MAP3K20: variants seen among roughly 807,000 people sequenced by gnomAD.
MAP3K20 encodes the protein HCCS-4.
Under a neutral mutation model 85.7 loss-of-function variants are expected in MAP3K20, and 40 were observed. The observed-to-expected ratio is 0.47, with a 90% CI of 0.36 to 0.61. MAP3K20 has a LOEUF of 0.61. Ranked by LOEUF, MAP3K20 falls within the 20% of genes least tolerant of loss-of-function variation. MAP3K20 has a pLI of 0.00. For missense variants in MAP3K20, 817 were observed against 961.7 expected, an observed-to-expected ratio of 0.85 and a Z score of 1.99; for synonymous variants, 325 against 327.7, an observed-to-expected ratio of 0.99 and a Z score of 0.09.
chr2:173,183,585 A>G (rs995402287), intron 4 of MAP3K20, among the ~76,000 whole-genome samples: 21 of 151,836 alleles, frequency 1.4e-4, no homozygotes, highest in Non-Finnish European at 1.6e-4. Context: ...TTCAAACTTC[A>G]TTTATTTTTA....
intron 2 of MAP3K20, among the ~76,000 whole-genome samples, chr2:173,122,866 T>C (rs982257285): frequency 6.6e-6 from 1 of 152,198 alleles, no homozygotes; most frequent in Non-Finnish European, 1.5e-5. Flanking sequence ...CTGCTCTTCC[T>C]GTATCCCACC....
intron 2 of MAP3K20, among the ~76,000 whole-genome samples, chr2:173,165,650 C>T (rs889022962): frequency 3.9e-5 from 6 of 152,050 alleles, no homozygotes; most frequent in Admixed American, 6.6e-5. Context: ...GCTATTTCAG[C>T]GTAATTAAGT....
intron 2 of MAP3K20, among the ~76,000 whole-genome samples, chr2:173,142,426 C>T (rs1046078668): frequency 1.3e-4 from 20 of 151,038 alleles, no homozygotes; most frequent in East Asian, 7.8e-4. Flanking sequence ...GAGCTGAGAT[C>T]GTGCCACTGC....
intron 11 of MAP3K20, chr2:173,224,931 T>C (rs1684342558): frequency 1.0e-6 from 1 of 984,844 alleles, no homozygotes; most frequent in Non-Finnish European, 1.2e-6. Context: ...CAATTATCAG[T>C]GTTGGATTTA....
At chr2:173,103,761 A>G (rs1406693566) in intron 2 of MAP3K20, among the ~76,000 whole-genome samples, 1 of 152,212 alleles carries the variant, frequency 6.6e-6, no homozygotes. Flanking sequence ...TACCACTGAA[A>G]GAGGTAACTC....
At chr2:173,242,267 C>T (rs556382216) in intron 16 of MAP3K20, among the ~76,000 whole-genome samples, 1 of 151,716 alleles carries the variant, frequency 6.6e-6, no homozygotes. Flanking sequence ...CCTCCGACTC[C>T]CTGGTTCAAG....
At chr2:173,202,173 C>T (rs911270649) in intron 8 of MAP3K20, among the ~76,000 whole-genome samples, 3 of 152,154 alleles carry the variant, frequency 2.0e-5, no homozygotes, top group African/African-American at 7.2e-5. Context: ...ATCAAAAGGT[C>T]TGCAGTTTAC....
chr2:173,246,877 G>C (rs775649758), intron 16 of MAP3K20, among the ~76,000 whole-genome samples: 1 of 152,142 alleles, frequency 6.6e-6, no homozygotes, highest in Admixed American at 6.6e-5. Flanking sequence ...CTATGAGTGG[G>C]TCCTTAAATA....
chr2:173,119,090 A>G (rs1193542737), intron 2 of MAP3K20, among the ~76,000 whole-genome samples: 1 of 152,264 alleles, frequency 6.6e-6, no homozygotes, highest in African/African-American at 2.4e-5. Context: ...ATATAGGACT[A>G]GCAAACATAG....
intron 1 of MAP3K20, among the ~76,000 whole-genome samples, chr2:173,083,845 G>GT (rs1269212052): frequency 6.6e-5 from 10 of 152,146 alleles, no homozygotes; most frequent in African/African-American, 1.9e-4. Context: ...TTTTCAAAAA[G>GT]TATCTTTTTT....
intron 8 of MAP3K20, among the ~76,000 whole-genome samples, chr2:173,200,030 A>G (rs1690992893): frequency 6.6e-6 from 1 of 152,208 alleles, no homozygotes; most frequent in Non-Finnish European, 1.5e-5. Context: ...ACTGATGAAG[A>G]CTACTCAAAT....
chr2:173,195,627 GTTAT>G (rs1260991431), intron 7 of MAP3K20, among the ~76,000 whole-genome samples: 2 of 151,844 alleles, frequency 1.3e-5, no homozygotes, highest in African/African-American at 2.4e-5. Context: ...TATGCCAAAT[GTTAT>G]TTTTGTTTAG....
In MAP3K20 at chr2:173,086,178, T is replaced by G. The variant is rs536005095; in HGVS notation, c.-34-4820T>G. 2.6e-5 allele frequency among the ~76,000 whole-genome samples: 4 copies of G among 152,334 alleles called. No homozygotes were observed. In the South Asian group the frequency reaches 8.3e-4, roughly 32 times the overall value. On this transcript the variant is annotated intron_variant, in intron 1 of 19. Transcript: ENST00000375213. ...GTAAATAAATTTATATAGATGACTT[T>G]TTATTAAATTCTGGTATATTCATTA...
chr2:173,090,552 T>G, intron 1 of MAP3K20: 3 of 906,588 alleles, frequency 3.3e-6, no homozygotes, highest in Non-Finnish European at 4.0e-6. Context: ...GTGGCTTAGG[T>G]TGTGTATATT....
At chr2:173,106,480 C>T (rs992430117) in intron 2 of MAP3K20, among the ~76,000 whole-genome samples, 1 of 152,096 alleles carries the variant, frequency 6.6e-6, no homozygotes, top group Non-Finnish European at 1.5e-5. Flanking sequence ...TGATTAATGT[C>T]TATATTGAAA....
intron 16 of MAP3K20, among the ~76,000 whole-genome samples, chr2:173,244,137 G>T (rs1426293415): frequency 6.6e-6 from 1 of 152,194 alleles, no homozygotes; most frequent in Non-Finnish European, 1.5e-5. Context: ...CAGCAAGTGG[G>T]AGGGAGGGGC....
chr2:173,198,169 G>A lies in MAP3K20; in HGVS notation c.669+57G>A, dbSNP rs1043136628. 11 of 1,471,470 alleles carry A rather than the reference G, an allele frequency of 7.5e-6. No individual in the cohort carries two copies. The highest frequency in any genetic ancestry group is 2.0e-5 in the Admixed American group (1 of 50,530). 91.2% of individuals were successfully genotyped at this position (1,471,470 alleles called of 1,614,324 possible). A position where few individuals can be genotyped will look rare whatever the true frequency, so the allele number is the denominator to read the frequency against. ...GATCAGAAAACAGTATTGGGGTTTT[G>A]CAAAAGACTTTTTCATCTTCTTCAA... On this transcript the variant is annotated intron_variant, in intron 8 of 19. Coordinates refer to ENST00000375213, the MANE Select transcript of MAP3K20 (RefSeq NM_016653.3). This position sits in a 1 kb window ranked among gnomAD's most constrained non-coding sequence, Gnocchi z 5.8.
chr2:173,235,491 C>T (rs1316669673), intron 14 of MAP3K20, among the ~76,000 whole-genome samples: 2 of 152,130 alleles, frequency 1.3e-5, no homozygotes, highest in African/African-American at 4.8e-5. Flanking sequence ...AAGCCAGACA[C>T]AAAGGTCACA....
rs569801484 is a variant in MAP3K20, at chr2:173,222,893, T to TTA, written c.987+5651_987+5652dup. The stretch of plus-strand genomic sequence containing the variant: ...TGTTTAAATTATAAAACACTTTTAA[T>TTA]TATATATATGAGGCAAAAGAACTAA... On this transcript the variant is annotated intron_variant, in intron 11 of 19. Coordinates refer to ENST00000375213, the MANE Select transcript of MAP3K20 (RefSeq NM_016653.3). 271 of 984,768 alleles carry TTA rather than the reference T, an allele frequency of 2.8e-4. 1 individual carries two copies. The highest frequency in any genetic ancestry group is 1.7e-3 in the African/African-American group (95 of 57,334). The allele number at this position is 984,768 out of a possible 1,614,324, so 61.0% of individuals were successfully genotyped here.
Sources: gnomAD v4.1 joint callset for allele counts (sites outside exome capture counted in the v4.1 genomes callset) on GRCh38, gnomAD v4.1.1 for gene constraint, Gnocchi (gnomAD v3.1) non-coding constraint, MANE v1.5 for transcripts, NCBI Gene and HGNC (gene_info 2026-07-23, HGNC 2026-07-21) for gene names.